The following NLGN4X variants were observed in gnomAD, a reference collection of about 807,000 sequenced individuals.
NLGN4X encodes neuroligin-4, X-linked.
NLGN4X carries 3 observed loss-of-function variants against 40.3 expected under a neutral mutation model. The ratio of observed to expected loss-of-function variants is 0.07; its 90% CI spans 0.03 to 0.19. The LOEUF (loss-of-function observed/expected upper bound fraction) is 0.19. Ranked by LOEUF, NLGN4X falls within the 10% of genes least tolerant of loss-of-function variation. NLGN4X has a pLI of 1.00. For missense variants in NLGN4X, 382 were observed against 708.3 expected, an observed-to-expected ratio of 0.54 and a Z score of 5.23; for synonymous variants, 270 against 306.8, an observed-to-expected ratio of 0.88 and a Z score of 1.25.
intron 3 of NLGN4X, among the ~76,000 whole-genome samples, chrX:5,984,324 G>T (rs1446853798): frequency 9.1e-6 from 1 of 109,613 alleles, no homozygotes; most frequent in Non-Finnish European, 1.9e-5. Flanking sequence ...TAGATTATAG[G>T]TCTTGAGAAA....
At chrX:6,117,077 G>A (rs1019993413) in intron 2 of NLGN4X, among the ~76,000 whole-genome samples, 1 of 111,069 alleles carries the variant, frequency 9.0e-6, no homozygotes, top group Admixed American at 9.5e-5. Context: ...TTCACCTTAT[G>A]GGAATTGGCC....
intron 2 of NLGN4X, among the ~76,000 whole-genome samples, chrX:6,033,374 G>C (rs1379660271): frequency 8.9e-6 from 1 of 112,122 alleles, no homozygotes; most frequent in East Asian, 2.8e-4. Flanking sequence ...CCTCTACTCT[G>C]TGTTTAGAGA....
At chrX:5,965,168 C>G (rs2034787770) in intron 3 of NLGN4X, among the ~76,000 whole-genome samples, 1 of 111,941 alleles carries the variant, frequency 8.9e-6, no homozygotes, top group Non-Finnish European at 1.9e-5. Context: ...CTGTCATACA[C>G]ACACAATGAG....
chrX:6,097,332 A>T (rs1485432740), intron 2 of NLGN4X, among the ~76,000 whole-genome samples: 1 of 110,341 alleles, frequency 9.1e-6, no homozygotes, highest in Non-Finnish European at 1.9e-5. Flanking sequence ...CTACAGACTT[A>T]CTAAAGACAG....
chrX:6,034,398 AT>A (rs1181179795), intron 2 of NLGN4X, among the ~76,000 whole-genome samples: 2 of 112,272 alleles, frequency 1.8e-5, no homozygotes, highest in Non-Finnish European at 3.8e-5. Context: ...GTTGAGTGAC[AT>A]TTGGTTTATT....
chrX:5,999,480 T>C (rs976175698), intron 3 of NLGN4X, among the ~76,000 whole-genome samples: 2 of 112,124 alleles, frequency 1.8e-5, no homozygotes, highest in Non-Finnish European at 3.8e-5. Flanking sequence ...CTTTTTAAAA[T>C]AAGCAGTATG....
At chrX:5,977,790 A>G (rs2035221829) in intron 3 of NLGN4X, among the ~76,000 whole-genome samples, 1 of 111,521 alleles carries the variant, frequency 9.0e-6, no homozygotes, top group Non-Finnish European at 1.9e-5. Context: ...TCTTCTCCTC[A>G]CTGCATAAAA....
chrX:6,160,513 T>C (rs1175346303), intron 1 of NLGN4X, among the ~76,000 whole-genome samples: 1 of 105,072 alleles, frequency 9.5e-6, no homozygotes, highest in Non-Finnish European at 1.9e-5. Flanking sequence ...TTATCATATA[T>C]GAAATTATAT....
chrX:5,939,585 C>A (rs1459556315), intron 3 of NLGN4X, among the ~76,000 whole-genome samples: 1 of 111,576 alleles, frequency 9.0e-6, no homozygotes, highest in Non-Finnish European at 1.9e-5. Flanking sequence ...CCATTCTAAA[C>A]TGATTTTATG....
At chrX:6,028,386 C>T (rs2036764214) in intron 3 of NLGN4X, among the ~76,000 whole-genome samples, 2 of 111,026 alleles carry the variant, frequency 1.8e-5, no homozygotes, top group Admixed American at 9.5e-5. Context: ...GATGGCCGGG[C>T]GTAGTGGCTC....
intron 2 of NLGN4X, among the ~76,000 whole-genome samples, chrX:6,089,562 AC>A (rs1435549582): frequency 2.4e-4 from 27 of 112,626 alleles, no homozygotes; most frequent in Non-Finnish European, 7.5e-5. Flanking sequence ...TTTCTTGCTT[AC>A]ATTATCTGCT....
chrX:5,905,487 AATT>A (rs1402345691), intron 4 of NLGN4X, among the ~76,000 whole-genome samples: 3 of 111,920 alleles, frequency 2.7e-5, no homozygotes, highest in Non-Finnish European at 5.6e-5. Context: ...TAAATTCTTA[AATT>A]ATTATTGAGT....
At chrX:6,223,113 T>C in intron 1 of NLGN4X, among the ~76,000 whole-genome samples, 1 of 110,748 alleles carries the variant, frequency 9.0e-6, no homozygotes, top group Middle Eastern at 4.8e-3. Flanking sequence ...ATGCAGACCT[T>C]ACTATAATAT....
At chrX:6,090,913 A>G (rs2038621578) in intron 2 of NLGN4X, among the ~76,000 whole-genome samples, 1 of 111,541 alleles carries the variant, frequency 9.0e-6, no homozygotes, top group Admixed American at 9.6e-5. Context: ...TCAGCTCCAC[A>G]TGTCATGAGT....
chrX:6,004,167 CAT>C (rs2036045202), intron 3 of NLGN4X, among the ~76,000 whole-genome samples: 2 of 112,463 alleles, frequency 1.8e-5, no homozygotes, highest in Non-Finnish European at 3.8e-5. Context: ...AAACAAGAAA[CAT>C]GTGTAACAAG....
At chrX:5,928,837 AT>A (rs35111855) in intron 3 of NLGN4X, among the ~76,000 whole-genome samples, 12,265 of 105,024 alleles carry the variant, frequency 0.12, 579 homozygotes, top group African/African-American at 0.13. Context: ...AGAAAGACTT[AT>A]TTTTTTTTTT....
chrX:5,938,095 A>G (rs2033792691), intron 3 of NLGN4X, among the ~76,000 whole-genome samples: 1 of 111,601 alleles, frequency 9.0e-6, no homozygotes, highest in East Asian at 2.8e-4. Context: ...ATTCAGAACA[A>G]AAAAGATTTT....
At chrX:6,078,238 C>A (rs1253111812) in intron 2 of NLGN4X, among the ~76,000 whole-genome samples, 2 of 111,995 alleles carry the variant, frequency 1.8e-5, no homozygotes, top group Non-Finnish European at 3.8e-5. Context: ...TATCTTCTGT[C>A]CCCATAACTA....
intron 3 of NLGN4X, among the ~76,000 whole-genome samples, chrX:6,023,256 A>G (rs1405056724): frequency 8.9e-6 from 1 of 111,977 alleles, no homozygotes; most frequent in Non-Finnish European, 1.9e-5. Flanking sequence ...TAATGCCACC[A>G]TCACCGTGAA....
Sources: gnomAD v4.1 joint callset for allele counts (sites outside exome capture counted in the v4.1 genomes callset) on GRCh38, gnomAD v4.1.1 for gene constraint, MANE v1.5 for transcripts, NCBI Gene and HGNC (gene_info 2026-07-23, HGNC 2026-07-21) for gene names.